Variants in ACSS1 observed in about 807,000 individuals in gnomAD.
ACSS1 encodes the protein acyl-CoA synthetase short chain family member 1.
A neutral mutation model predicts 75.3 loss-of-function variants in ACSS1; 42 were observed. The ratio of observed to expected loss-of-function variants is 0.56; its 90% CI spans 0.44 to 0.72. The LOEUF (loss-of-function observed/expected upper bound fraction) is 0.72. Ranked by LOEUF, ACSS1 falls within the 30% of genes least tolerant of loss-of-function variation. The pLI is 0.00. For missense variants in ACSS1, 782 were observed against 935.7 expected (o/e 0.84, Z 2.14); for synonymous variants, 380 against 376.8 (o/e 1.01, Z -0.10).
At chr20:25,030,030 C>T (rs925318341) in intron 3 of ACSS1, among the ~76,000 whole-genome samples, 4 of 152,136 alleles carry the variant, frequency 2.6e-5, no homozygotes, top group Non-Finnish European at 5.9e-5. Flanking sequence ...TGAAAGGAAG[C>T]GGAAGGGCTT....
rs558530666 is a variant in ACSS1, at chr20:25,013,633, G to A, written c.1482C>T (p.Ser494=). 4.4e-5 allele frequency: 71 copies of A among 1,607,480 alleles called. 2 individuals carry two copies. The highest frequency in any genetic ancestry group is 3.1e-4 in the South Asian group (28 of 90,906). ...AGGCCTGGGAGATGCACAGGGCCCC[G>A]GAGACGTTGCTGCCCTCCACGACGC... ...KGSVVEGSNV[S]GALCISQAWP... The change falls in exon 10 of 14, where the codon TCC becomes TCT. Residue 494 remains serine (S), a synonymous_variant. Coordinates refer to ENST00000323482, the MANE Select transcript of ACSS1 (RefSeq NM_032501.4).
In ACSS1 at chr20:25,021,379, C is replaced by T; in HGVS notation, c.1108+10G>A. On this transcript the variant is annotated intron_variant, in intron 6 of 13. Coordinates refer to ENST00000323482, the MANE Select transcript of ACSS1 (RefSeq NM_032501.4). ...AGCATGGGGTCCCAAACAGGGTTCA[C>T]CATCCTTACCAGCATTGGGATAAAC... 1.9e-6 allele frequency: 3 copies of T among 1,613,134 alleles called. No homozygotes were observed. The highest frequency in any genetic ancestry group is 2.5e-6 in the Non-Finnish European group (3 of 1,179,418).
chr20:25,046,636 A>ATAAAAGAGGGTTTTC, intron 2 of ACSS1: 1 of 602,622 alleles, frequency 1.7e-6, no homozygotes, highest in South Asian at 2.0e-5. Context: ...TTTACTGAAG[A>ATAAAAGAGGGTTTTC]ACTACTCCAG....
At chr20:25,037,684 A>G (rs1340188522) in intron 2 of ACSS1, among the ~76,000 whole-genome samples, 1 of 152,230 alleles carries the variant, frequency 6.6e-6, no homozygotes, top group Non-Finnish European at 1.5e-5. Flanking sequence ...ACATATTCGT[A>G]GTAAGAGAAG....
intron 7 of ACSS1, among the ~76,000 whole-genome samples, chr20:25,018,835 C>A (rs1280117455): frequency 1.3e-5 from 2 of 152,170 alleles, no homozygotes. Context: ...TCATTGGATG[C>A]CTGCTATTCC....
At position 25,058,036 on chromosome 20, in the gene ACSS1, G is replaced by C; in HGVS notation, c.67C>G (p.Gln23Glu). ...LLGSLRGLSG[Q>E]PARPPCGVSA... ...ACCCCGCACGGCGGCCGCGCGGGCT[G>C]CCCCGAGAGCCCTCGCAGGCTGCCC... Residue 23 changes from glutamine (Q) to glutamate (E), a missense_variant, in exon 1 of 14, where the codon CAG becomes GAG. Coordinates refer to ENST00000323482, the MANE Select transcript of ACSS1 (RefSeq NM_032501.4). 1 of 1,358,762 alleles carries C rather than the reference G, an allele frequency of 7.4e-7. No individual in the cohort carries two copies. The highest frequency in any genetic ancestry group is 9.4e-7 in the Non-Finnish European group (1 of 1,063,372). 84.2% of individuals were successfully genotyped at this position (1,358,762 alleles called of 1,614,324 possible). A position where few individuals can be genotyped will look rare whatever the true frequency, so the allele number is the denominator to read the frequency against.
chr20:25,048,262 G>T, intron 1 of ACSS1, 81 bp from the exon 2 acceptor site: 1 of 1,245,716 alleles, frequency 8.0e-7, no homozygotes, highest in Non-Finnish European at 1.1e-6. Context: ...GTTGGAGCGG[G>T]TCTAGTTTGC....
At chr20:25,037,005 A>AAAGGAAGGAAGGAAGGAAGG (rs146710264) in intron 2 of ACSS1, among the ~76,000 whole-genome samples, 7 of 131,850 alleles carry the variant, frequency 5.3e-5, no homozygotes, top group African/African-American at 1.2e-4. Flanking sequence ...AAGAAGAAAG[A>AAAGGAAGGAAGGAAGGAAGG]AAGGAAGGAA....
chr20:25,016,390 C>T (rs185093673), intron 7 of ACSS1, among the ~76,000 whole-genome samples: 1 of 152,218 alleles, frequency 6.6e-6, no homozygotes, highest in Non-Finnish European at 1.5e-5. Context: ...CACATTATAT[C>T]TCAATAGAAA....
At chr20:25,056,963 G>A (rs775226871) in intron 1 of ACSS1, among the ~76,000 whole-genome samples, 1 of 152,176 alleles carries the variant, frequency 6.6e-6, no homozygotes, top group African/African-American at 2.4e-5. Context: ...AGCGCCTTAG[G>A]TGGGGGCGAG....
At position 25,007,261 on chromosome 20, in the gene ACSS1, A is replaced by T. The variant is rs544163035; in HGVS notation, c.*501T>A. 2 of 1,134,536 alleles carry T rather than the reference A, an allele frequency of 1.8e-6. No homozygotes were observed. The highest frequency in any genetic ancestry group is 1.1e-4 in the East Asian group (2 of 18,664). The allele number at this position is 1,134,536 out of a possible 1,614,324, so 70.3% of individuals were successfully genotyped here. ...CAAAAAAGGAGATTTTCATAACTAC[A>T]TGTTAAAAAGAACATGTTCAAGTAA... On this transcript the variant is annotated 3_prime_UTR_variant, in exon 14 of 14. Transcript: ENST00000323482.
At position 25,025,543 on chromosome 20, in the gene ACSS1, G is replaced by T. The variant is rs79739616; in HGVS notation, c.632-1902C>A. On this transcript the variant is annotated intron_variant, in intron 3 of 13. Transcript: ENST00000323482. The stretch of plus-strand genomic sequence containing the variant: ...AGAGTTCTGTCGTCTGGACAGGCTT[G>T]GTGGGGTTCTCTGTTAGAGTCTCAC... 9.0e-3 allele frequency among the ~76,000 whole-genome samples: 1,369 copies of T among 152,326 alleles called. 21 individuals are homozygous for T. Among genetic ancestry groups the T allele is most frequent in the African/African-American group, 0.031 (1,279 of 41,560 alleles).
At chr20:25,012,160 G>A (rs1023742163) in intron 12 of ACSS1, 5 of 224,998 alleles carry the variant, frequency 2.2e-5, no homozygotes, top group South Asian at 7.2e-5. Flanking sequence ...CACACAGCCT[G>A]CACACTCCAG....
In ACSS1 at chr20:25,057,635, C is replaced by T. The variant is rs73348752; in HGVS notation, c.334+134G>A. The T allele has an allele frequency of 8.0e-3, 6,065 of 759,300 alleles. 265 individuals are homozygous for T. The African/African-American group carries it at 0.099, about 12-fold the overall frequency. The allele number at this position is 759,300 out of a possible 1,614,324, so 47.0% of individuals were successfully genotyped here. A position where few individuals can be genotyped will look rare whatever the true frequency, so the allele number is the denominator to read the frequency against. ...CACTGCTTAGAGCGGGCGGGGCGGA[C>T]GGAATACCGGAGGAGGGGCCCCTGC... is the stretch of plus-strand genomic sequence containing the variant. On this transcript the variant is annotated intron_variant, in intron 1 of 13. Transcript: ENST00000323482.
chr20:25,043,266 T>C (rs2089034165), intron 2 of ACSS1, among the ~76,000 whole-genome samples: 1 of 152,228 alleles, frequency 6.6e-6, no homozygotes, highest in Admixed American at 6.5e-5. Flanking sequence ...TCCTGCTTCC[T>C]GCTCCCCCCA....
At chr20:25,026,927 C>T (rs889124755) in intron 3 of ACSS1, among the ~76,000 whole-genome samples, 1 of 152,236 alleles carries the variant, frequency 6.6e-6, no homozygotes, top group Non-Finnish European at 1.5e-5. Context: ...ACTAAATCCC[C>T]ACATGATGAA....
intron 1 of ACSS1, among the ~76,000 whole-genome samples, chr20:25,049,054 C>A (rs1473184676): frequency 1.3e-5 from 2 of 152,204 alleles, no homozygotes; most frequent in Admixed American, 6.5e-5. Context: ...CTCTCAGGGT[C>A]ACCCCTGTAG....
chr20:25,057,539 C>G (rs1033069204), intron 1 of ACSS1, among the ~76,000 whole-genome samples: 1 of 152,188 alleles, frequency 6.6e-6, no homozygotes, highest in Admixed American at 6.5e-5. Flanking sequence ...GCCGGGTCCC[C>G]GCGGGCGCCG....
chr20:25,057,670 A>G, intron 1 of ACSS1, 99 bp downstream of exon 1: 2 of 1,265,302 alleles, frequency 1.6e-6, no homozygotes, highest in South Asian at 3.1e-5. Context: ...CAGGGCTGCG[A>G]TCCGCGCTGC....
Sources: gnomAD v4.1 joint callset for allele counts (sites outside exome capture counted in the v4.1 genomes callset) on GRCh38, gnomAD v4.1.1 for gene constraint, MANE v1.5 for transcripts, NCBI Gene and HGNC (gene_info 2026-07-23, HGNC 2026-07-21) for gene names.